CNTN4: variants seen among roughly 807,000 people sequenced by gnomAD.
CNTN4 encodes contactin-4.
In CNTN4, 77 loss-of-function variants were observed where a neutral mutation model predicts 122.5. The observed-to-expected ratio is 0.63, with a 90% CI of 0.52 to 0.76. The LOEUF (loss-of-function observed/expected upper bound fraction) is 0.76. Ranked by LOEUF, CNTN4 falls within the 30% of genes least tolerant of loss-of-function variation. CNTN4 has a pLI of 0.00. For missense variants in CNTN4, 1,256 were observed against 1,259.1 expected (o/e 1.00, Z 0.04); for synonymous variants, 512 against 447.0 (o/e 1.15, Z -1.83).
At chr3:2,800,069 A>T (rs1576840331) in intron 6 of CNTN4, among the ~76,000 whole-genome samples, 1 of 127,638 alleles carries the variant, frequency 7.8e-6, no homozygotes. Context: ...GGGTAATGTG[A>T]TGCCATCTAC....
intron 4 of CNTN4, among the ~76,000 whole-genome samples, chr3:2,586,156 C>T (rs991875659): frequency 1.3e-5 from 2 of 152,174 alleles, no homozygotes; most frequent in African/African-American, 2.4e-5. Context: ...GAAGGTCACA[C>T]AAGCATGGCC....
chr3:2,154,616 T>C (rs2035639685), intron 2 of CNTN4, among the ~76,000 whole-genome samples: 1 of 150,828 alleles, frequency 6.6e-6, no homozygotes, highest in African/African-American at 2.4e-5. Flanking sequence ...AAACAGACTT[T>C]TACTTCCTTA....
intron 3 of CNTN4, among the ~76,000 whole-genome samples, chr3:2,376,721 T>C (rs2045832491): frequency 6.6e-6 from 1 of 150,746 alleles, no homozygotes; most frequent in Non-Finnish European, 1.5e-5. Flanking sequence ...GGTTAACATA[T>C]AATATGCTCT....
At chr3:2,287,258 T>G (rs2041934245) in intron 2 of CNTN4, among the ~76,000 whole-genome samples, 2 of 152,120 alleles carry the variant, frequency 1.3e-5, no homozygotes, top group African/African-American at 4.8e-5. Context: ...AATATGCTAG[T>G]TTTTTTCATA....
chr3:2,106,096 G>A (rs1412544592), intron 2 of CNTN4, among the ~76,000 whole-genome samples: 2 of 152,206 alleles, frequency 1.3e-5, no homozygotes, highest in Admixed American at 6.5e-5. Context: ...GCAGGAGGTG[G>A]GCTCCCACTG....
At chr3:2,795,293 T>C (rs2092135458) in intron 6 of CNTN4, among the ~76,000 whole-genome samples, 1 of 152,184 alleles carries the variant, frequency 6.6e-6, no homozygotes, top group African/African-American at 2.4e-5. Context: ...TGAAAGGCTC[T>C]GACCTTTTCC....
intron 7 of CNTN4, among the ~76,000 whole-genome samples, chr3:2,820,755 C>G (rs534738945): frequency 6.6e-6 from 1 of 151,978 alleles, no homozygotes; most frequent in Admixed American, 6.6e-5. Flanking sequence ...TTTTGGGATG[C>G]AGACCAAATA....
At chr3:2,814,737 G>A (rs2092689522) in intron 6 of CNTN4, among the ~76,000 whole-genome samples, 1 of 152,192 alleles carries the variant, frequency 6.6e-6, no homozygotes, top group Non-Finnish European at 1.5e-5. Context: ...AGTAACTTTG[G>A]AGAGAGACAA....
chr3:2,630,546 C>T (rs4685536), intron 4 of CNTN4, among the ~76,000 whole-genome samples: 4,013 of 152,246 alleles, frequency 0.026, 119 homozygotes, highest in Admixed American at 0.1. Flanking sequence ...TACCTATTGG[C>T]TTGACAAGCC....
At chr3:3,054,710 G>T (rs1370976305) in intron 24 of CNTN4, among the ~76,000 whole-genome samples, 1 of 152,210 alleles carries the variant, frequency 6.6e-6, no homozygotes, top group African/African-American at 2.4e-5. Flanking sequence ...GGGAATGGGG[G>T]TTTAGGCACT....
chr3:2,470,442 A>G (rs993857963), intron 3 of CNTN4, among the ~76,000 whole-genome samples: 24 of 152,158 alleles, frequency 1.6e-4, no homozygotes, highest in Admixed American at 3.3e-4. Context: ...TAATTTTTCT[A>G]TTGATAAAAT....
At chr3:2,161,383 G>C (rs2035962023) in intron 2 of CNTN4, among the ~76,000 whole-genome samples, 1 of 152,112 alleles carries the variant, frequency 6.6e-6, no homozygotes. Context: ...AGTGCTTCAT[G>C]AAGAACAAGT....
chr3:2,900,557 G>T, intron 10 of CNTN4, 128 bp from the exon 11 acceptor site: 1 of 1,041,594 alleles, frequency 9.6e-7, no homozygotes, highest in Non-Finnish European at 1.5e-6. Context: ...CCCCAGTCTT[G>T]TTATTTGCAT....
intron 2 of CNTN4, among the ~76,000 whole-genome samples, chr3:2,263,134 A>C (rs1421780635): frequency 6.6e-6 from 1 of 152,144 alleles, no homozygotes; most frequent in Non-Finnish European, 1.5e-5. Context: ...GCTAAAATTT[A>C]TGTCCTCTAA....
intron 2 of CNTN4, among the ~76,000 whole-genome samples, chr3:2,230,564 T>A (rs1395289077): frequency 1.3e-5 from 2 of 152,186 alleles, no homozygotes; most frequent in Admixed American, 1.3e-4. Context: ...TAATATGGGT[T>A]CTTTCCTTTT....
At chr3:2,705,297 G>A (rs1371278101) in intron 4 of CNTN4, among the ~76,000 whole-genome samples, 1 of 146,534 alleles carries the variant, frequency 6.8e-6, no homozygotes, top group Non-Finnish European at 1.5e-5. Flanking sequence ...GAACCTAGGA[G>A]GCAGAGCTTG....
intron 2 of CNTN4, among the ~76,000 whole-genome samples, chr3:2,319,203 T>G (rs1249789526): frequency 6.6e-6 from 1 of 152,094 alleles, no homozygotes; most frequent in Non-Finnish European, 1.5e-5. Context: ...ATCTCAAATA[T>G]TTTATATATA....
chr3:2,854,569 G>A (rs1448975625), intron 7 of CNTN4, among the ~76,000 whole-genome samples: 6 of 152,004 alleles, frequency 3.9e-5, no homozygotes, highest in East Asian at 3.9e-4. Context: ...CACCCTGCCC[G>A]GCTGAAAATT....
chr3:2,232,019 CAT>C (rs2039506490), intron 2 of CNTN4, among the ~76,000 whole-genome samples: 1 of 152,136 alleles, frequency 6.6e-6, no homozygotes, highest in East Asian at 1.9e-4. Flanking sequence ...ATTTAAATAA[CAT>C]GTTTTAGATA....
Sources: allele counts gnomAD v4.1 joint callset (sites outside exome capture counted in the v4.1 genomes callset), GRCh38; gene constraint gnomAD v4.1.1; transcripts MANE v1.5; gene names NCBI Gene and HGNC (gene_info 2026-07-23, HGNC 2026-07-21).